Variants in TMEM255B observed in about 807,000 individuals in gnomAD.
TMEM255B encodes the protein family with sequence similarity 70, member B.
In TMEM255B, 35 loss-of-function variants were observed where a neutral mutation model predicts 34.5. The ratio of observed to expected loss-of-function variants is 1.01; its 90% CI spans 0.77 to 1.34. TMEM255B has a LOEUF of 1.34. Ranked by LOEUF, TMEM255B falls within the 40% of genes most tolerant of loss-of-function variation. The pLI is 0.00. For missense variants in TMEM255B, 432 were observed against 433.2 expected, an observed-to-expected ratio of 1.00 and a Z score of 0.02; for synonymous variants, 206 against 201.2, an observed-to-expected ratio of 1.02 and a Z score of -0.20.
At chr13:113,759,613 C>G (rs2050261742) in intron 1 of TMEM255B, among the ~76,000 whole-genome samples, 1 of 152,190 alleles carries the variant, frequency 6.6e-6, no homozygotes, top group African/African-American at 2.4e-5. Flanking sequence ...CTTTCTCTGA[C>G]TCTGTGTCCG....
intron 3 of TMEM255B, among the ~76,000 whole-genome samples, chr13:113,786,327 C>A (rs369618205): frequency 6.6e-5 from 10 of 152,000 alleles, no homozygotes; most frequent in South Asian, 2.1e-4. Context: ...ACTGTCATCA[C>A]CATCCCCATC....
Position 113,812,069 on chromosome 13 carries a change from C to A in TMEM255B, c.*166C>A. Reference sequence around the variant, plus strand: ...GCACACTGGTGAGGGAGGCTGGAACCAGGCAGGGAGTGGGGCCCTCCAGAC... The same window carrying A: ...GCACACTGGTGAGGGAGGCTGGAACAAGGCAGGGAGTGGGGCCCTCCAGAC... On this transcript the variant is annotated 3_prime_UTR_variant, in exon 9 of 9. Transcript: ENST00000375353. 2.1e-6 allele frequency: 2 copies of A among 930,368 alleles called. No homozygotes were observed. The highest frequency in any genetic ancestry group is 2.7e-5 in the East Asian group (1 of 36,634). 57.6% of individuals were successfully genotyped at this position (930,368 alleles called of 1,614,324 possible).
chr13:113,795,858 AC>A (rs1160964240), intron 4 of TMEM255B, among the ~76,000 whole-genome samples: 1 of 134,052 alleles, frequency 7.5e-6, no homozygotes, highest in Non-Finnish European at 1.6e-5. Context: ...CAGCACACAC[AC>A]CATAAGAGTA....
rs1231012595 is a variant in TMEM255B at position 113,801,677 on chromosome 13, T to C, written c.534T>C (p.Tyr178=). The change falls in exon 7 of 9, where the codon TAT becomes TAC. Residue 178 remains tyrosine (Y), a synonymous_variant. Coordinates refer to ENST00000375353, the MANE Select transcript of TMEM255B (RefSeq NM_182614.4). ...CGSAEPSPAY[Y]EFIGVSGCQD... is the part of the protein sequence containing the mutation. ...GCGCAGAGCCCTCGCCCGCCTACTA[T>C]GAGTTCATCGGCGTCAGCGGCTGCC... The C allele has an allele frequency of 4.3e-6, 7 of 1,612,120 alleles. No homozygotes were observed. The highest frequency in any genetic ancestry group is 5.9e-6 in the Non-Finnish European group (7 of 1,179,038).
intron 3 of TMEM255B, among the ~76,000 whole-genome samples, chr13:113,775,617 C>T (rs2050563142): frequency 6.6e-6 from 1 of 152,240 alleles, no homozygotes; most frequent in African/African-American, 2.4e-5. Flanking sequence ...GTTGAGTGGG[C>T]CCCATCCACT....
chr13:113,780,997 C>G (rs1312910661), intron 3 of TMEM255B, among the ~76,000 whole-genome samples: 1 of 152,146 alleles, frequency 6.6e-6, no homozygotes, highest in African/African-American at 2.4e-5. Context: ...CCAAAGAAAG[C>G]CAAACACCAT....
chr13:113,805,634 A>T (rs2051157334), intron 8 of TMEM255B, among the ~76,000 whole-genome samples: 1 of 152,150 alleles, frequency 6.6e-6, no homozygotes, highest in Non-Finnish European at 1.5e-5. Context: ...TTACCTCGGC[A>T]CTGTAGGCAT....
At position 113,783,323 on chromosome 13, in the gene TMEM255B, A is replaced by G. The variant is rs143290815; in HGVS notation, c.253-11825A>G. 1.6e-4 allele frequency among the ~76,000 whole-genome samples: 25 copies of G among 152,262 alleles called. 2 individuals are homozygous for G. In the East Asian group the frequency reaches 4.4e-3, roughly 27 times the overall value. On this transcript the variant is annotated intron_variant, in intron 3 of 8. Coordinates refer to ENST00000375353, the MANE Select transcript of TMEM255B (RefSeq NM_182614.4). ...CAGTGTCTCCCTGTTGGTAAGTCCA[A>G]TCTGGATCTCTACGGGGCCTGCATC...
rs534164922 is a variant in TMEM255B at position 113,806,595 on chromosome 13, G to A, written c.813+1567G>A. On this transcript the variant is annotated intron_variant, in intron 8 of 8. Transcript: ENST00000375353. This position sits in a 1 kb window ranked among gnomAD's most constrained non-coding sequence, Gnocchi z 4.2. ...ATGTGGTCCCCAGGGTCAGATGGCGGGAGCTTTTGCCAGCGACCCTGCAGT... is the reference window on the plus strand; with the variant it reads ...ATGTGGTCCCCAGGGTCAGATGGCGAGAGCTTTTGCCAGCGACCCTGCAGT... Among the ~76,000 whole-genome samples the A allele has an allele frequency of 1.4e-3, 219 of 152,294 alleles. 1 individual carries two copies. Among genetic ancestry groups the A allele is most frequent in the South Asian group, 6.6e-3 (32 of 4,832 alleles).
Position 113,766,097 on chromosome 13 carries a change from T to A in TMEM255B, c.47-18T>A. On this transcript the variant is annotated intron_variant, in intron 1 of 8. Coordinates refer to ENST00000375353, the MANE Select transcript of TMEM255B (RefSeq NM_182614.4). Reference sequence around the variant, plus strand: ...AGCCTGAGCCCTCACTGACAGGTCCTCGCCTTCCTCCCCACAGAAGGGCTT... The same window carrying A: ...AGCCTGAGCCCTCACTGACAGGTCCACGCCTTCCTCCCCACAGAAGGGCTT... 1 of 1,613,640 alleles carries A rather than the reference T, an allele frequency of 6.2e-7. No individual in the cohort carries two copies. The highest frequency in any genetic ancestry group is 8.5e-7 in the Non-Finnish European group (1 of 1,179,956).
rs200284298 is a variant in TMEM255B, at chr13:113,804,975, C to T, written c.760C>T (p.Arg254Cys). 2.4e-5 allele frequency: 38 copies of T among 1,606,602 alleles called. No individual in the cohort carries two copies. Among genetic ancestry groups the T allele is most frequent in the South Asian group, 8.8e-5 (8 of 90,980 alleles). ...AQQILAYAGF[R>C]LTPEPVPTCS... ...GCAGATCCTGGCCTACGCAGGCTTC[C>T]GCCTGACGCCCGAGCCCGTCCCGAC... The change falls in exon 8 of 9, where the codon CGC becomes TGC. Residue 254 changes from arginine (R) to cysteine (C), a missense_variant. By Grantham distance (180) the Arg-to-Cys change is radical (BLOSUM62 -3). Coordinates refer to ENST00000375353, the MANE Select transcript of TMEM255B (RefSeq NM_182614.4).
At chr13:113,786,759 C>T (rs977850725) in intron 3 of TMEM255B, among the ~76,000 whole-genome samples, 12 of 152,244 alleles carry the variant, frequency 7.9e-5, no homozygotes, top group South Asian at 6.2e-4. Context: ...CTGGCATCCA[C>T]GTCAGAGAGC....
intron 1 of TMEM255B, among the ~76,000 whole-genome samples, chr13:113,763,445 C>T (rs772974851): frequency 7.2e-5 from 11 of 152,262 alleles, no homozygotes; most frequent in East Asian, 1.9e-4. Context: ...CTCGACTTCC[C>T]GACAGAGACC....
At chr13:113,765,559 C>T (rs1472198870) in intron 1 of TMEM255B, among the ~76,000 whole-genome samples, 2 of 152,122 alleles carry the variant, frequency 1.3e-5, no homozygotes, top group African/African-American at 4.8e-5. Flanking sequence ...TTTTAAATCC[C>T]CTATTTTGTT....
intron 4 of TMEM255B, among the ~76,000 whole-genome samples, chr13:113,796,189 A>G (rs1232469775): frequency 6.8e-6 from 1 of 146,572 alleles, no homozygotes; most frequent in Non-Finnish European, 1.5e-5. Context: ...CAACACACAG[A>G]GCACACAGCA....
chr13:113,766,248 AG>A lies in TMEM255B; in HGVS notation c.183del (p.Ile62SerfsTer9), dbSNP rs1411546077. On this transcript the variant is annotated frameshift_variant, in exon 2 of 9. Transcript: ENST00000375353. LOFTEE classifies it high-confidence loss of function. ...ATGTGACCGTTGGGGGCTACTACCC[AG>A]GGATCATTGTGAGTGCGCCGGGCGG... ...ENVTVGGYYP[G>X]IILGFGSFLG... 1 of 1,614,134 alleles carries A rather than the reference AG, an allele frequency of 6.2e-7. No homozygotes were observed. Among genetic ancestry groups the A allele is most frequent in the Non-Finnish European group, 8.5e-7 (1 of 1,180,002 alleles).
chr13:113,794,724 A>G (rs572035295), intron 3 of TMEM255B, among the ~76,000 whole-genome samples: 1 of 152,224 alleles, frequency 6.6e-6, no homozygotes, highest in Non-Finnish European at 1.5e-5. Context: ...TCCTGGCTCC[A>G]AGCTCCAAGA....
At chr13:113,771,659 A>T (rs554831107) in intron 3 of TMEM255B, among the ~76,000 whole-genome samples, 1 of 152,274 alleles carries the variant, frequency 6.6e-6, no homozygotes, top group South Asian at 2.1e-4. Context: ...AGCCTGGGTG[A>T]CTGAGCAAGA....
At chr13:113,811,670 G>A (rs1225075661) in intron 8 of TMEM255B, 66 bp from the exon 9 acceptor site, 1 of 1,587,696 alleles carries the variant, frequency 6.3e-7, no homozygotes, top group African/African-American at 1.3e-5. Context: ...TATATGTCAG[G>A]CTTCCCTGTG....
Sources: gnomAD v4.1 joint callset for allele counts (sites outside exome capture counted in the v4.1 genomes callset) on GRCh38, gnomAD v4.1.1 for gene constraint, Gnocchi (gnomAD v3.1) non-coding constraint, MANE v1.5 for transcripts, NCBI Gene and HGNC (gene_info 2026-07-23, HGNC 2026-07-21) for gene names.